Variants in ARNT2 observed in about 807,000 individuals in gnomAD.
The protein encoded by ARNT2 is ARNT protein 2.
A neutral mutation model predicts 91.7 loss-of-function variants in ARNT2; 36 were observed. The observed-to-expected ratio is 0.39, with a 90% CI of 0.30 to 0.52. The LOEUF is 0.52. Ranked by LOEUF, ARNT2 falls within the 20% of genes least tolerant of loss-of-function variation. The probability of loss-of-function intolerance (pLI) is 0.72; values close to 1 mark genes in which losing one functional copy is unlikely to be tolerated. For missense variants in ARNT2, 775 were observed against 939.3 expected (o/e 0.83, Z 2.29); for synonymous variants, 365 against 347.1 (o/e 1.05, Z -0.57).
chr15:80,503,257 C>G (rs1031879620), intron 5 of ARNT2, among the ~76,000 whole-genome samples: 5 of 152,226 alleles, frequency 3.3e-5, no homozygotes, highest in Admixed American at 1.3e-4. Context: ...GATTCACAAC[C>G]CAGTGCTGGG....
At chr15:80,468,976 A>G (rs566263826) in intron 3 of ARNT2, among the ~76,000 whole-genome samples, 2 of 152,244 alleles carry the variant, frequency 1.3e-5, no homozygotes, top group South Asian at 4.1e-4. Context: ...ATCTGGGAGG[A>G]TGGGCTGTTA....
At chr15:80,443,502 C>A (rs1287567988) in intron 1 of ARNT2, among the ~76,000 whole-genome samples, 1 of 151,940 alleles carries the variant, frequency 6.6e-6, no homozygotes, top group African/African-American at 2.4e-5. Flanking sequence ...GATGGAGAGA[C>A]CTCTCGGAGG....
At chr15:80,485,397 T>C (rs1324165903) in intron 5 of ARNT2, among the ~76,000 whole-genome samples, 1 of 152,228 alleles carries the variant, frequency 6.6e-6, no homozygotes, top group African/African-American at 2.4e-5. Flanking sequence ...ACTAACTTGG[T>C]GCAAGACACT....
Position 80,591,569 on chromosome 15 carries a change from T to C in ARNT2, c.1920T>C (p.Ala640=). Residue 640 remains alanine, a splice_region_variant and synonymous_variant, in exon 18 of 19, where the codon GCT becomes GCC. Transcript: ENST00000303329. This position sits in a 1 kb window ranked among gnomAD's most constrained non-coding sequence, Gnocchi z 5.1. ...TGTCCTGTGTGTCGAATCTTTCAGC[T>C]GAAAGTGGACAAAGTAGCGGGCAGT... is the stretch of plus-strand genomic sequence containing the variant. ...SSLANRTPGF[A]ESGQSSGQFQ... 1 of 1,614,104 alleles carries C rather than the reference T, an allele frequency of 6.2e-7. No homozygotes were observed. Among genetic ancestry groups the C allele is most frequent in the East Asian group, 2.2e-5 (1 of 44,864 alleles).
rs1208987309 is a variant in ARNT2, at chr15:80,508,315, A to G, written c.725+57A>G. On this transcript the variant is annotated intron_variant, in intron 6 of 18. Transcript: ENST00000303329. The stretch of plus-strand genomic sequence containing the variant: ...TGGTTGGTTTGCTCCTTTTTCTGTC[A>G]CCGTTAAGAGCCTTGACCAGCTCTG... 3 of 1,563,490 alleles carry G rather than the reference A, an allele frequency of 1.9e-6. No individual in the cohort carries two copies. The Admixed American group carries it at 5.0e-5, about 26-fold the overall frequency.
intron 11 of ARNT2, among the ~76,000 whole-genome samples, chr15:80,558,771 G>A (rs141443901): frequency 1.3e-5 from 2 of 152,308 alleles, no homozygotes; most frequent in East Asian, 3.9e-4. Flanking sequence ...ATGTGAAATT[G>A]GAATGGTTAA....
In ARNT2 at chr15:80,595,413, T is replaced by C. The variant is rs930328824; in HGVS notation, c.*1715T>C. ...GGACCTAGAAGAGTGGCATTGGTTC[T>C]AGGAACCTGAGAGTGGAGTGAGGCC... On this transcript the variant is annotated 3_prime_UTR_variant, in exon 19 of 19. Transcript: ENST00000303329. 1 of 152,282 alleles carries C rather than the reference T, an allele frequency of 6.6e-6. No homozygotes were observed. Among genetic ancestry groups the C allele is most frequent in the Non-Finnish European group, 1.5e-5 (1 of 68,100 alleles). The allele number at this position is 152,282 out of a possible 1,614,324, so 9.4% of individuals were successfully genotyped here. A position where few individuals can be genotyped will look rare whatever the true frequency, so the allele number is the denominator to read the frequency against.
intron 2 of ARNT2, among the ~76,000 whole-genome samples, chr15:80,452,060 T>A (rs1421856889): frequency 1.3e-5 from 2 of 152,162 alleles, no homozygotes; most frequent in Non-Finnish European, 2.9e-5. Context: ...GGGGCATAAG[T>A]GGAGGCAATG....
intron 1 of ARNT2, among the ~76,000 whole-genome samples, chr15:80,437,763 T>C (rs972182789): frequency 6.6e-6 from 1 of 152,232 alleles, no homozygotes; most frequent in Non-Finnish European, 1.5e-5. Flanking sequence ...GCATTTCACT[T>C]ACCTTCGATT....
intron 5 of ARNT2, among the ~76,000 whole-genome samples, chr15:80,500,961 CA>C (rs1284312142): frequency 6.6e-6 from 1 of 152,164 alleles, no homozygotes; most frequent in Non-Finnish European, 1.5e-5. Context: ...AGAAAAATTA[CA>C]GTAAAAAACT....
intron 8 of ARNT2, among the ~76,000 whole-genome samples, chr15:80,538,277 T>C (rs1488047550): frequency 6.6e-6 from 1 of 152,184 alleles, no homozygotes; most frequent in Non-Finnish European, 1.5e-5. Context: ...TTTAGAGGAT[T>C]ATATAATATG....
chr15:80,441,490 G>C (rs3901895), intron 1 of ARNT2: 134,565 of 700,996 alleles, frequency 0.19, 14,325 homozygotes, highest in African/African-American at 0.4. Context: ...CCCCCTCCCA[G>C]CCATGGAAAG....
chr15:80,569,849 T>C (rs1031121235), intron 12 of ARNT2, among the ~76,000 whole-genome samples: 2 of 152,268 alleles, frequency 1.3e-5, no homozygotes, highest in African/African-American at 4.8e-5. Context: ...CTTCGCCCCT[T>C]GGCCAGGCAT....
intron 1 of ARNT2, among the ~76,000 whole-genome samples, chr15:80,438,680 A>G (rs1792365036): frequency 6.6e-6 from 1 of 152,174 alleles, no homozygotes; most frequent in African/African-American, 2.4e-5. Flanking sequence ...AGTAGCAAGC[A>G]AATGTTTTGC....
At chr15:80,415,335 GC>G (rs1379229118) in intron 1 of ARNT2, among the ~76,000 whole-genome samples, 2 of 152,230 alleles carry the variant, frequency 1.3e-5, no homozygotes, top group East Asian at 3.8e-4. Context: ...TTAATTGAAT[GC>G]CAACCGTGTG....
chr15:80,514,693 T>C (rs1489770641), intron 8 of ARNT2, among the ~76,000 whole-genome samples: 1 of 152,192 alleles, frequency 6.6e-6, no homozygotes. Context: ...GAGACCACCC[T>C]GGCTAACACA....
At chr15:80,418,627 C>G (rs1414941812) in intron 1 of ARNT2, among the ~76,000 whole-genome samples, 2 of 152,212 alleles carry the variant, frequency 1.3e-5, no homozygotes, top group African/African-American at 4.8e-5. Flanking sequence ...CAGATGGGAT[C>G]TGACCACTCT....
At chr15:80,434,412 G>C (rs970828218) in intron 1 of ARNT2, 1 of 152,200 alleles carries the variant, frequency 6.6e-6, no homozygotes, top group Admixed American at 6.5e-5. Flanking sequence ...TTGCTGCGTG[G>C]ATTTTCTTAT....
chr15:80,432,222 CG>C (rs965540317), intron 1 of ARNT2, among the ~76,000 whole-genome samples: 4 of 152,116 alleles, frequency 2.6e-5, no homozygotes, highest in Non-Finnish European at 4.4e-5. Context: ...CTCTGGGGCA[CG>C]GGGGGAACGG....
Sources: allele counts gnomAD v4.1 joint callset (sites outside exome capture counted in the v4.1 genomes callset), GRCh38; gene constraint gnomAD v4.1.1; non-coding constraint Gnocchi (gnomAD v3.1); transcripts MANE v1.5; gene names NCBI Gene and HGNC (gene_info 2026-07-23, HGNC 2026-07-21).